Variants in STAU2 observed in about 807,000 individuals in gnomAD.
The protein encoded by STAU2 is double-stranded RNA-binding protein Staufen homolog 2.
STAU2 carries 20 observed loss-of-function variants against 65.9 expected under a neutral mutation model. The ratio of observed to expected loss-of-function variants is 0.30; its 90% CI spans 0.21 to 0.44. The LOEUF (loss-of-function observed/expected upper bound fraction) is 0.44. STAU2 is among the 20% of genes least tolerant of loss of function. STAU2 has a pLI of 1.00. For synonymous variants in STAU2, 232 were observed against 233.9 expected, an observed-to-expected ratio of 0.99 and a Z score of 0.07; for missense variants, 558 against 683.9, an observed-to-expected ratio of 0.82 and a Z score of 2.05.
At chr8:73,550,095 A>G (rs2128942151) in intron 13 of STAU2, 1 of 985,412 alleles carries the variant, frequency 1.0e-6, no homozygotes, top group Non-Finnish European at 1.2e-6. Flanking sequence ...GTAGTGGTCC[A>G]TCAATGACAG....
rs535653527 is a variant in STAU2, at chr8:73,452,701, G to A, written c.1531-29999C>T. 7.9e-5 allele frequency among the ~76,000 whole-genome samples: 12 copies of A among 152,254 alleles called. No homozygotes were observed. The South Asian group carries it at 2.1e-3, about 26-fold the overall frequency. ...TCCATCCTGAGATAAAAGCCAAAAC[G>A]TATTTTTTAAATTTATGTTTTACAT... On this transcript the variant is annotated intron_variant, in intron 13 of 14. Coordinates refer to ENST00000524300, the MANE Select transcript of STAU2 (RefSeq NM_001164380.2).
chr8:73,544,645 T>C (rs1806779673), intron 13 of STAU2, among the ~76,000 whole-genome samples: 1 of 152,238 alleles, frequency 6.6e-6, no homozygotes, highest in Admixed American at 6.5e-5. Context: ...TGCTATGAAC[T>C]CTTCCCTAAT....
At chr8:73,699,364 C>T (rs973762985) in intron 4 of STAU2, among the ~76,000 whole-genome samples, 8 of 150,996 alleles carry the variant, frequency 5.3e-5, no homozygotes, top group Admixed American at 1.3e-4. Flanking sequence ...AAAAATTATA[C>T]GAGATCACTA....
intron 4 of STAU2, among the ~76,000 whole-genome samples, chr8:73,691,531 A>T (rs1168397184): frequency 6.6e-6 from 1 of 151,882 alleles, no homozygotes; most frequent in African/African-American, 2.4e-5. Flanking sequence ...CCTGCTTGCA[A>T]TTAACAACTA....
chr8:73,734,196 A>AT (rs1806262783), intron 3 of STAU2, among the ~76,000 whole-genome samples: 1 of 146,070 alleles, frequency 6.8e-6, no homozygotes, highest in Non-Finnish European at 1.5e-5. Flanking sequence ...TAGAAGTGGA[A>AT]TTTTTTGTGA....
At chr8:73,504,893 A>G (rs1044751892) in intron 13 of STAU2, among the ~76,000 whole-genome samples, 2 of 152,100 alleles carry the variant, frequency 1.3e-5, no homozygotes, top group Non-Finnish European at 2.9e-5. Flanking sequence ...TTTTGTATAC[A>G]TCTATAATTT....
intron 3 of STAU2, among the ~76,000 whole-genome samples, chr8:73,733,053 T>A (rs75175718): frequency 6.6e-6 from 1 of 151,920 alleles, no homozygotes; most frequent in South Asian, 2.1e-4. Context: ...TTTTTTTTTT[T>A]AATAACACCT....
intron 13 of STAU2, among the ~76,000 whole-genome samples, chr8:73,514,139 T>G (rs902715130): frequency 5.3e-5 from 8 of 152,196 alleles, no homozygotes; most frequent in Non-Finnish European, 1.0e-4. Context: ...GTTAAGAGCT[T>G]TTTTTCACTC....
chr8:73,573,885 A>G (rs1809305017), intron 12 of STAU2, among the ~76,000 whole-genome samples: 2 of 152,246 alleles, frequency 1.3e-5, no homozygotes, highest in Admixed American at 1.3e-4. Context: ...AATGGCAACA[A>G]AAGCCAAAAT....
At chr8:73,666,384 T>A (rs574142980) in intron 6 of STAU2, among the ~76,000 whole-genome samples, 2 of 152,322 alleles carry the variant, frequency 1.3e-5, no homozygotes, top group South Asian at 4.1e-4. Context: ...TTCAAAAAAC[T>A]TCTTTCGCCC....
intron 11 of STAU2, among the ~76,000 whole-genome samples, chr8:73,589,645 A>C (rs753827170): frequency 6.6e-6 from 1 of 152,210 alleles, no homozygotes; most frequent in Non-Finnish European, 1.5e-5. Context: ...ATATTGTTGA[A>C]CTTGTAGACA....
rs34713766 is a variant in STAU2, at chr8:73,688,489, C to CGTGT, written c.274+161_274+164dup. ...CCTCCTTCAGTTATTTTTATGCTAC[C>CGTGT]GTGTGTGTGTGTGTGTGTGTGTGTG... On this transcript the variant is annotated intron_variant, in intron 5 of 14. Coordinates refer to ENST00000524300, the MANE Select transcript of STAU2 (RefSeq NM_001164380.2). Among the ~76,000 whole-genome samples, 1,455 of 146,942 alleles carry CGTGT rather than the reference C, an allele frequency of 9.9e-3. 39 individuals are homozygous for CGTGT. Among genetic ancestry groups the CGTGT allele is most frequent in the African/African-American group, 0.03 (1,180 of 39,534 alleles).
At chr8:73,640,152 T>C (rs1488585090) in intron 6 of STAU2, among the ~76,000 whole-genome samples, 1 of 152,098 alleles carries the variant, frequency 6.6e-6, no homozygotes, top group Non-Finnish European at 1.5e-5. Context: ...TCAAGATTTA[T>C]TTTACAAAGA....
chr8:73,609,204 C>A (rs1371983317), intron 9 of STAU2, among the ~76,000 whole-genome samples: 1 of 151,734 alleles, frequency 6.6e-6, no homozygotes, highest in Non-Finnish European at 1.5e-5. Flanking sequence ...GAAATTGAAC[C>A]CCCAGAAGTA....
At chr8:73,445,828 A>G (rs1818436495) in intron 13 of STAU2, among the ~76,000 whole-genome samples, 2 of 152,262 alleles carry the variant, frequency 1.3e-5, no homozygotes, top group African/African-American at 4.8e-5. Flanking sequence ...TGACACCACC[A>G]TACGCTAGAG....
chr8:73,599,860 C>T (rs969245556), intron 10 of STAU2, among the ~76,000 whole-genome samples: 10 of 152,088 alleles, frequency 6.6e-5, no homozygotes, highest in African/African-American at 1.2e-4. Context: ...CTCCGCCTCC[C>T]GGGTTCATGC....
chr8:73,638,591 A>G (rs1295285694), intron 6 of STAU2, among the ~76,000 whole-genome samples: 1 of 151,656 alleles, frequency 6.6e-6, no homozygotes, highest in Admixed American at 6.6e-5. Context: ...TCCACCCACT[A>G]AAGTTCTAGA....
intron 3 of STAU2, among the ~76,000 whole-genome samples, chr8:73,712,911 GAC>G (rs1820998466): frequency 6.6e-6 from 1 of 152,186 alleles, no homozygotes; most frequent in South Asian, 2.1e-4. Context: ...CAGCCTGGGT[GAC>G]AGAGTGAGAT....
rs11781242 is a variant in STAU2 at position 73,457,427 on chromosome 8, T to C, written c.1531-34725A>G. Among the ~76,000 whole-genome samples the C allele has an allele frequency of 3.0e-3, 450 of 152,344 alleles. 1 individual carries two copies. The highest frequency in any genetic ancestry group is 6.8e-3 in the Middle Eastern group (2 of 294). ...CCACACTCTTACACTCTTACATGCA[T>C]AGTTGAATCTTCATCTCGAATGAAC... On this transcript the variant is annotated intron_variant, in intron 13 of 14. Transcript: ENST00000524300.
Sources: allele counts gnomAD v4.1 joint callset (sites outside exome capture counted in the v4.1 genomes callset), GRCh38; gene constraint gnomAD v4.1.1; transcripts MANE v1.5; gene names NCBI Gene and HGNC (gene_info 2026-07-23, HGNC 2026-07-21).